Variants in RGS9 observed in about 807,000 individuals in gnomAD.
RGS9 encodes the protein regulator of G protein signaling 9.
A neutral mutation model predicts 102.0 loss-of-function variants in RGS9; 78 were observed. The ratio of observed to expected loss-of-function variants is 0.76; its 90% confidence interval spans 0.64 to 0.92. RGS9 has a LOEUF of 0.92. Ranked by LOEUF, RGS9 falls within the 40% of genes least tolerant of loss-of-function variation. The pLI is 0.00. For synonymous variants in RGS9, 353 were observed against 318.6 expected, an observed-to-expected ratio of 1.11 and a Z score of -1.15; for missense variants, 833 against 866.1, an observed-to-expected ratio of 0.96 and a Z score of 0.48.
intron 12 of RGS9, among the ~76,000 whole-genome samples, chr17:65,195,502 T>C (rs893076844): frequency 1.3e-5 from 2 of 152,142 alleles, no homozygotes; most frequent in Non-Finnish European, 2.9e-5. Flanking sequence ...TATATTTTTA[T>C]TGGTGCACCT....
chr17:65,215,485 T>TTTC (rs1208624554), intron 17 of RGS9, among the ~76,000 whole-genome samples: 19 of 125,188 alleles, frequency 1.5e-4, no homozygotes, highest in African/African-American at 6.0e-4. Context: ...TCTATCTTTC[T>TTTC]TTCGTTCTTT....
At chr17:65,184,024 G>A (rs1420716283) in intron 9 of RGS9, among the ~76,000 whole-genome samples, 2 of 152,228 alleles carry the variant, frequency 1.3e-5, no homozygotes, top group Non-Finnish European at 2.9e-5. Context: ...TCTTCCTCCT[G>A]TAGCAAAGTG....
chr17:65,196,711 G>A (rs1912600282), intron 12 of RGS9, among the ~76,000 whole-genome samples: 1 of 152,216 alleles, frequency 6.6e-6, no homozygotes, highest in African/African-American at 2.4e-5. Context: ...TAGGCACCCA[G>A]CAGGTGGCAG....
chr17:65,140,814 G>T (rs142276250), intron 1 of RGS9, among the ~76,000 whole-genome samples: 2 of 152,066 alleles, frequency 1.3e-5, no homozygotes, highest in East Asian at 3.9e-4. Flanking sequence ...GGTGGAGGTT[G>T]CAGTAACTGA....
intron 16 of RGS9, among the ~76,000 whole-genome samples, chr17:65,208,295 T>C (rs1038367999): frequency 6.6e-6 from 1 of 152,154 alleles, no homozygotes; most frequent in Non-Finnish European, 1.5e-5. Flanking sequence ...AATGGAAGCT[T>C]CTCCTTGGTT....
intron 8 of RGS9, among the ~76,000 whole-genome samples, chr17:65,170,780 T>G (rs973585423): frequency 6.6e-6 from 1 of 152,110 alleles, no homozygotes; most frequent in Admixed American, 6.5e-5. Flanking sequence ...GCTCCCCACA[T>G]CTAACCTCTT....
At chr17:65,142,784 T>C (rs1043864163) in intron 1 of RGS9, among the ~76,000 whole-genome samples, 17 of 152,116 alleles carry the variant, frequency 1.1e-4, no homozygotes, top group African/African-American at 3.9e-4. Context: ...GGTTTCACCA[T>C]GTTGGTCAGG....
At chr17:65,145,022 T>C (rs536401749) in intron 1 of RGS9, among the ~76,000 whole-genome samples, 2 of 152,320 alleles carry the variant, frequency 1.3e-5, no homozygotes, top group Admixed American at 6.5e-5. Context: ...TGTCCTAATC[T>C]GTTCTCATAA....
chr17:65,208,106 T>C, intron 16 of RGS9, 99 bp downstream of exon 16: 2 of 825,938 alleles, frequency 2.4e-6, no homozygotes, highest in Non-Finnish European at 4.1e-6. Context: ...GATATTTGCT[T>C]GATGAAAATA....
At chr17:65,221,639 G>C (rs952310716) in intron 17 of RGS9, among the ~76,000 whole-genome samples, 1 of 152,200 alleles carries the variant, frequency 6.6e-6, no homozygotes, top group Admixed American at 6.5e-5. Context: ...TCTTGTTCAA[G>C]GGGCTGTAAG....
At chr17:65,144,734 T>C (rs1443423850) in intron 1 of RGS9, among the ~76,000 whole-genome samples, 1 of 152,138 alleles carries the variant, frequency 6.6e-6, no homozygotes, top group Non-Finnish European at 1.5e-5. Context: ...CCTGGAGAAC[T>C]TGGGAAACAG....
In RGS9 at chr17:65,153,423, T is replaced by C; in HGVS notation, c.59T>C (p.Ile20Thr). The change falls in exon 2 of 19, where the codon ATT (isoleucine) becomes ACT (threonine). Residue 20 changes from isoleucine to threonine, a missense_variant and splice_region_variant. By Grantham distance (89) the Ile-to-Thr change is moderately conservative. This residue lies in a region of RGS9 where 328 missense variants were observed against 340.6 expected (regional missense o/e 0.96). Transcript: ENST00000262406. The part of the protein sequence containing the change: ...YRPRMAFLQK[I>T]EALVKDMQNP... Reference sequence around the variant, plus strand: ...GCTTTTTCCTGTTCTGTCTTGCAGATTGAAGCGCTCGTGAAGGACATGCAG... The same window carrying C: ...GCTTTTTCCTGTTCTGTCTTGCAGACTGAAGCGCTCGTGAAGGACATGCAG... 2 of 1,613,836 alleles carry C rather than the reference T, an allele frequency of 1.2e-6. No individual in the cohort carries two copies. Among genetic ancestry groups the C allele is most frequent in the Non-Finnish European group, 1.7e-6 (2 of 1,179,690 alleles).
intron 9 of RGS9, chr17:65,188,807 G>A (rs980419272): frequency 5.6e-6 from 1 of 179,196 alleles, no homozygotes; most frequent in Non-Finnish European, 1.2e-5. Flanking sequence ...TAAAGACGGG[G>A]TTTTGTCATG....
At chr17:65,139,198 C>G (rs1023194475) in intron 1 of RGS9, among the ~76,000 whole-genome samples, 11 of 113,294 alleles carry the variant, frequency 9.7e-5, no homozygotes, top group African/African-American at 3.1e-4. Flanking sequence ...TCCTCCCCAG[C>G]CTTCTCCTCC....
At chr17:65,144,068 T>C (rs770264738) in intron 1 of RGS9, among the ~76,000 whole-genome samples, 2 of 152,074 alleles carry the variant, frequency 1.3e-5, no homozygotes, top group Non-Finnish European at 2.9e-5. Context: ...TACCGAGCAC[T>C]GGTTAGGGCA....
intron 13 of RGS9, among the ~76,000 whole-genome samples, chr17:65,201,104 CACACACACACACACAG>C (rs148280367): frequency 0.049 from 7,451 of 151,358 alleles, 214 homozygotes; most frequent in African/African-American, 0.071. Flanking sequence ...ACGATTTACA[CACACACACACACACAG>C]ACACACACAC....
intron 2 of RGS9, among the ~76,000 whole-genome samples, chr17:65,154,019 A>T (rs1910680574): frequency 6.6e-6 from 1 of 152,120 alleles, no homozygotes; most frequent in East Asian, 1.9e-4. Context: ...TAAAATATAT[A>T]GTTGTGGCCA....
chr17:65,210,303 G>A (rs1302751785), intron 16 of RGS9, among the ~76,000 whole-genome samples, 185 bp from the exon 17 acceptor site: 1 of 152,142 alleles, frequency 6.6e-6, no homozygotes, highest in Admixed American at 6.5e-5. Flanking sequence ...TACTCACTCT[G>A]GTCTCATCCT....
At chr17:65,224,789 C>T (rs1905543682) in intron 17 of RGS9, among the ~76,000 whole-genome samples, 2 of 152,176 alleles carry the variant, frequency 1.3e-5, no homozygotes, top group Admixed American at 6.5e-5. Flanking sequence ...CAGGGCTGGG[C>T]GACAGGCAGG....
Sources: gnomAD v4.1 joint callset for allele counts (sites outside exome capture counted in the v4.1 genomes callset) on GRCh38, gnomAD v4.1.1 for gene constraint, gnomAD v4.1.1 regional missense constraint, MANE v1.5 for transcripts, NCBI Gene and HGNC (gene_info 2026-07-23, HGNC 2026-07-21) for gene names.